Variants in MAST4 observed in about 807,000 individuals in gnomAD.
The protein encoded by MAST4 is microtubule associated serine/threonine kinase family member 4, also known as microtubule-associated serine/threonine-protein kinase 4.
MAST4 carries 89 observed loss-of-function variants against 162.7 expected under a neutral mutation model. That is an observed-to-expected ratio of 0.55 (90% CI 0.46 to 0.65). The LOEUF is 0.65. Ranked by LOEUF, MAST4 falls within the 30% of genes least tolerant of loss-of-function variation. The pLI is 0.00. For synonymous variants in MAST4, 1,479 were observed against 1,361.1 expected (o/e 1.09, Z -1.91); for missense variants, 3,153 against 3,374.0 (o/e 0.93, Z 1.62).
At chr5:66,858,962 T>C (rs1435295497) in intron 3 of MAST4, among the ~76,000 whole-genome samples, 1 of 152,130 alleles carries the variant, frequency 6.6e-6, no homozygotes, top group Non-Finnish European at 1.5e-5. Flanking sequence ...TAGTTGGTTA[T>C]TACTAGTATA....
intron 23 of MAST4, among the ~76,000 whole-genome samples, chr5:67,148,153 C>T (rs191375175): frequency 1.1e-3 from 175 of 152,226 alleles, no homozygotes; most frequent in African/African-American, 3.8e-3. Context: ...ATGTGCTGGC[C>T]GCTCTTTCAA....
At chr5:66,719,615 A>G (rs943499343) in intron 1 of MAST4, among the ~76,000 whole-genome samples, 1 of 152,140 alleles carries the variant, frequency 6.6e-6, no homozygotes, top group African/African-American at 2.4e-5. Flanking sequence ...TTACATAGGT[A>G]TACAAGTGCC....
At chr5:66,623,036 C>G (rs558785154) in intron 1 of MAST4, 1 of 152,268 alleles carries the variant, frequency 6.6e-6, no homozygotes, top group Admixed American at 6.5e-5. Flanking sequence ...CCTGAGAGTC[C>G]TGAATTCCTA....
chr5:66,754,996 G>A (rs556008220), intron 1 of MAST4, among the ~76,000 whole-genome samples: 8 of 152,302 alleles, frequency 5.3e-5, no homozygotes, highest in African/African-American at 1.9e-4. Context: ...GGTGGATCGA[G>A]TGGAGTGGCA....
At chr5:66,669,273 C>T (rs1181813288) in intron 1 of MAST4, among the ~76,000 whole-genome samples, 9 of 152,112 alleles carry the variant, frequency 5.9e-5, no homozygotes, top group African/African-American at 1.9e-4. Context: ...TCAACAATCT[C>T]GAAATGTGCC....
intron 1 of MAST4, among the ~76,000 whole-genome samples, chr5:66,753,402 A>C (rs1270984627): frequency 6.6e-6 from 1 of 151,700 alleles, no homozygotes; most frequent in Non-Finnish European, 1.5e-5. Context: ...ATAGACCGCT[A>C]GCAAGACTAA....
At chr5:67,046,419 A>C (rs1757375851) in intron 4 of MAST4, among the ~76,000 whole-genome samples, 1 of 152,254 alleles carries the variant, frequency 6.6e-6, no homozygotes, top group African/African-American at 2.4e-5. Context: ...ACACTTCAGC[A>C]GCAAATTTTT....
rs764750748 is a variant in MAST4 at position 67,165,420 on chromosome 5, C to T, written c.6241C>T (p.Pro2081Ser). Residue 2081 changes from proline to serine, a missense_variant, in exon 29 of 29, where the codon CCC (proline) becomes TCC (serine). Around this residue, in one of 7 missense-constraint regions of MAST4, gnomAD observed 1,644 missense variants for 1,495.0 expected, o/e 1.10. Transcript: ENST00000403625. ...ELGKVRRGVE[P>S]KPEALLARRS... ...GGGCAAGGTGAGGCGTGGCGTGGAA[C>T]CCAAGCCCGAAGCGCTTCTTGCCAG... 2 of 1,613,898 alleles carry T rather than the reference C, an allele frequency of 1.2e-6. No individual in the cohort carries two copies. Among genetic ancestry groups the T allele is most frequent in the East Asian group, 2.2e-5 (1 of 44,884 alleles).
At chr5:66,623,945 G>A (rs1387724784) in intron 1 of MAST4, among the ~76,000 whole-genome samples, 1 of 151,978 alleles carries the variant, frequency 6.6e-6, no homozygotes, top group Admixed American at 6.5e-5. Flanking sequence ...CAAAAACAGT[G>A]GCATATCTGT....
intron 18 of MAST4, 144 bp downstream of exon 18, chr5:67,134,832 A>G: frequency 1.6e-6 from 1 of 627,378 alleles, no homozygotes; most frequent in Non-Finnish European, 2.6e-6. Flanking sequence ...TCATCAAAGC[A>G]TATAACTGAC....
intron 4 of MAST4, among the ~76,000 whole-genome samples, chr5:66,903,352 T>A (rs185784458): frequency 1.3e-5 from 2 of 151,950 alleles, no homozygotes; most frequent in African/African-American, 4.8e-5. Context: ...TGTTTTGAAG[T>A]AGGATTCAAA....
chr5:66,995,898 C>CAG (rs1345032485), intron 4 of MAST4, among the ~76,000 whole-genome samples: 2 of 150,242 alleles, frequency 1.3e-5, no homozygotes, highest in African/African-American at 4.8e-5. Flanking sequence ...TACACACACA[C>CAG]ACACACACAC....
chr5:66,829,868 G>T (rs27372), intron 3 of MAST4, among the ~76,000 whole-genome samples: 68,642 of 151,244 alleles, frequency 0.45, 16,096 homozygotes, highest in East Asian at 0.56. Flanking sequence ...TATAGGCAAC[G>T]AAAGGATTAT....
chr5:66,602,962 T>C (rs1426528201), intron 1 of MAST4, among the ~76,000 whole-genome samples: 1 of 152,130 alleles, frequency 6.6e-6, no homozygotes, highest in Non-Finnish European at 1.5e-5. Flanking sequence ...TTATGGAGAG[T>C]ACCCAGCATG....
chr5:66,788,807 G>A lies in MAST4; in HGVS notation c.642+13G>A, dbSNP rs1352420493. ...CACCGCCAGCCTGGTGAGTGTCCGC[G>A]GGCGCCGGTGGAGGCTGCTCCAGCT... On this transcript the variant is annotated intron_variant, in intron 3 of 28. Coordinates refer to ENST00000403625, the MANE Select transcript of MAST4 (RefSeq NM_001164664.2). The A allele has an allele frequency of 4.5e-6, 7 of 1,544,992 alleles. No individual in the cohort carries two copies. Among genetic ancestry groups the A allele is most frequent in the Non-Finnish European group, 6.1e-6 (7 of 1,149,326 alleles).
chr5:66,986,482 G>A, intron 4 of MAST4: 1 of 1,570,378 alleles, frequency 6.4e-7, no homozygotes, highest in South Asian at 1.2e-5. Flanking sequence ...TCACCCCTTG[G>A]ATGAATTGCC....
At chr5:67,032,545 C>T (rs73766141) in intron 4 of MAST4, among the ~76,000 whole-genome samples, 18 of 152,108 alleles carry the variant, frequency 1.2e-4, no homozygotes, top group African/African-American at 3.9e-4. Flanking sequence ...TAAATAAGAC[C>T]GGTTTTAAAC....
intron 4 of MAST4, among the ~76,000 whole-genome samples, chr5:67,048,165 A>G (rs1020945773): frequency 1.3e-5 from 2 of 152,208 alleles, no homozygotes; most frequent in East Asian, 1.9e-4. Context: ...AGCTTTTTCA[A>G]TCAAATGCAC....
At chr5:67,023,154 C>T (rs1044543147) in intron 4 of MAST4, among the ~76,000 whole-genome samples, 1 of 152,192 alleles carries the variant, frequency 6.6e-6, no homozygotes, top group African/African-American at 2.4e-5. Context: ...AGCAGATATT[C>T]TAAATAACTA....
Sources: allele counts gnomAD v4.1 joint callset (sites outside exome capture counted in the v4.1 genomes callset), GRCh38; gene constraint gnomAD v4.1.1; regional missense constraint gnomAD v4.1.1; transcripts MANE v1.5; gene names NCBI Gene and HGNC (gene_info 2026-07-23, HGNC 2026-07-21).